The following RAB10 variants were observed in gnomAD, a reference collection of about 807,000 sequenced individuals.
The protein encoded by RAB10 is ras-related protein Rab-10.
In RAB10, 5 loss-of-function variants were observed where a neutral mutation model predicts 25.7. The observed-to-expected ratio is 0.19, with a 90% CI of 0.10 to 0.41. The LOEUF is 0.41. Among genes scored for constraint, RAB10 ranks in the 10% least tolerant of loss-of-function variants. The probability of loss-of-function intolerance (pLI) is 1.00; values close to 1 mark genes in which losing one functional copy is unlikely to be tolerated. For missense variants in RAB10, 103 were observed against 245.8 expected, an observed-to-expected ratio of 0.42 and a Z score of 3.89; for synonymous variants, 89 against 86.4, an observed-to-expected ratio of 1.03 and a Z score of -0.16.
At position 26,055,129 on chromosome 2, in the gene RAB10, G is replaced by C. The variant is rs114489104; in HGVS notation, c.127+20394G>C. On this transcript the variant is annotated intron_variant, in intron 1 of 5. Transcript: ENST00000264710. Reference sequence around the variant, plus strand: ...TAATATGTTAGGCACCCTCTACTAAGCACTAGGGATGCAATGGTGTGTAGT... The same window carrying C: ...TAATATGTTAGGCACCCTCTACTAACCACTAGGGATGCAATGGTGTGTAGT... 7.9e-3 allele frequency among the ~76,000 whole-genome samples: 1,198 copies of C among 152,008 alleles called. 22 individuals are homozygous for C. Among genetic ancestry groups the C allele is most frequent in the African/African-American group, 0.028 (1,144 of 41,442 alleles).
intron 1 of RAB10, among the ~76,000 whole-genome samples, chr2:26,075,246 C>T (rs1300686677): frequency 6.6e-6 from 1 of 152,006 alleles, no homozygotes; most frequent in Non-Finnish European, 1.5e-5. Context: ...CTTTTTTTCC[C>T]AGTCATACTT....
intron 1 of RAB10, among the ~76,000 whole-genome samples, chr2:26,053,885 A>G (rs1666189567): frequency 6.6e-6 from 1 of 150,858 alleles, no homozygotes; most frequent in Non-Finnish European, 1.5e-5. Context: ...ACGCCCAGCT[A>G]ATTTTTGTAT....
chr2:26,067,506 A>G (rs1026621498), intron 1 of RAB10, among the ~76,000 whole-genome samples: 2 of 152,158 alleles, frequency 1.3e-5, no homozygotes, highest in Non-Finnish European at 2.9e-5. Context: ...GGAACTGGCC[A>G]TGGCACAGAT....
At chr2:26,077,663 A>G (rs1029497823) in intron 1 of RAB10, among the ~76,000 whole-genome samples, 1 of 152,214 alleles carries the variant, frequency 6.6e-6, no homozygotes, top group African/African-American at 2.4e-5. Flanking sequence ...ACTTCAGAAT[A>G]GAATTGCTAC....
chr2:26,078,056 CA>C (rs1666778013), intron 1 of RAB10, among the ~76,000 whole-genome samples: 1 of 151,950 alleles, frequency 6.6e-6, no homozygotes, highest in Non-Finnish European at 1.5e-5. Context: ...GTGAATCATC[CA>C]AAAATTAAAG....
intron 1 of RAB10, among the ~76,000 whole-genome samples, chr2:26,084,573 TTACAG>T (rs1415962687): frequency 1.3e-5 from 2 of 152,208 alleles, no homozygotes; most frequent in African/African-American, 2.4e-5. Flanking sequence ...TACATTATTA[TTACAG>T]TTGATTGCAG....
intron 2 of RAB10, among the ~76,000 whole-genome samples, chr2:26,106,607 C>T (rs896036857): frequency 4.6e-5 from 7 of 152,120 alleles, no homozygotes; most frequent in African/African-American, 2.4e-5. Context: ...ATAAGGTGGC[C>T]GGGCACGGTG....
chr2:26,110,498 T>C (rs1301120236), intron 3 of RAB10, among the ~76,000 whole-genome samples: 1 of 152,214 alleles, frequency 6.6e-6, no homozygotes, highest in Admixed American at 6.5e-5. Flanking sequence ...CCAGTGATTT[T>C]ACAATGATTT....
intron 1 of RAB10, among the ~76,000 whole-genome samples, chr2:26,065,964 A>T (rs1666504296): frequency 6.6e-6 from 1 of 152,224 alleles, no homozygotes; most frequent in Admixed American, 6.5e-5. Context: ...CAGTCTACTT[A>T]ACCAATATTT....
intron 1 of RAB10, among the ~76,000 whole-genome samples, chr2:26,056,417 T>G (rs1391310909): frequency 6.6e-6 from 1 of 151,924 alleles, no homozygotes; most frequent in Non-Finnish European, 1.5e-5. Context: ...CAGTATGGTC[T>G]CAATCTCCTG....
chr2:26,069,906 A>G (rs939373675), intron 1 of RAB10, among the ~76,000 whole-genome samples: 1 of 151,992 alleles, frequency 6.6e-6, no homozygotes, highest in Non-Finnish European at 1.5e-5. Flanking sequence ...AGGTTTCGCC[A>G]TGGTTGGCCA....
intron 2 of RAB10, among the ~76,000 whole-genome samples, chr2:26,100,782 A>G (rs1394980175): frequency 6.6e-6 from 1 of 152,208 alleles, no homozygotes; most frequent in Non-Finnish European, 1.5e-5. Flanking sequence ...CTTCAGAGAT[A>G]AACAATTTGT....
At chr2:26,109,197 A>T (rs1409582111) in intron 2 of RAB10, among the ~76,000 whole-genome samples, 1 of 152,176 alleles carries the variant, frequency 6.6e-6, no homozygotes, top group East Asian at 1.9e-4. Flanking sequence ...AGTGTGAGCC[A>T]CTGCGCCCGA....
chr2:26,057,443 A>AG (rs1189422589), intron 1 of RAB10, among the ~76,000 whole-genome samples: 2 of 151,604 alleles, frequency 1.3e-5, no homozygotes, highest in Non-Finnish European at 2.9e-5. Flanking sequence ...TAAAAAAAAA[A>AG]AAAAATTAAA....
At chr2:26,123,300 C>T (rs1667842376) in intron 3 of RAB10, among the ~76,000 whole-genome samples, 1 of 152,144 alleles carries the variant, frequency 6.6e-6, no homozygotes, top group African/African-American at 2.4e-5. Flanking sequence ...TGCCCCCGAA[C>T]ACAGTCTCTA....
chr2:26,080,943 G>A (rs894448440), intron 1 of RAB10, among the ~76,000 whole-genome samples: 1 of 152,150 alleles, frequency 6.6e-6, no homozygotes, highest in East Asian at 1.9e-4. Flanking sequence ...GATATGGTTT[G>A]GCTGTGTCCC....
intron 1 of RAB10, among the ~76,000 whole-genome samples, chr2:26,089,422 CAA>C (rs11315031): frequency 2.4e-3 from 306 of 128,422 alleles, no homozygotes; most frequent in African/African-American, 4.4e-3. Flanking sequence ...GACTCTGTCT[CAA>C]AAAAAAAAAA....
intron 3 of RAB10, among the ~76,000 whole-genome samples, chr2:26,118,579 G>C (rs62128391): frequency 0.08 from 12,206 of 152,220 alleles, 674 homozygotes; most frequent in Middle Eastern, 0.12. Flanking sequence ...TCCTTTTAAA[G>C]TATTTGTTGT....
chr2:26,099,063 ATGTT>A (rs1667286696), intron 2 of RAB10, among the ~76,000 whole-genome samples: 1 of 152,188 alleles, frequency 6.6e-6, no homozygotes, highest in Non-Finnish European at 1.5e-5. Flanking sequence ...CATTGCGAAA[ATGTT>A]TGTTTTCTTT....
Sources: allele counts gnomAD v4.1 joint callset (sites outside exome capture counted in the v4.1 genomes callset), GRCh38; gene constraint gnomAD v4.1.1; transcripts MANE v1.5; gene names NCBI Gene and HGNC (gene_info 2026-07-23, HGNC 2026-07-21).